The following VEGFC variants were observed in gnomAD, a reference collection of about 807,000 sequenced individuals.
VEGFC encodes the protein vascular endothelial growth factor C.
VEGFC carries 12 observed loss-of-function variants against 46.1 expected under a neutral mutation model. That is an observed-to-expected ratio of 0.26 (90% CI 0.17 to 0.42). The LOEUF is 0.42. VEGFC is among the 10% of genes least tolerant of loss of function. The pLI, the probability that VEGFC is intolerant of heterozygous loss-of-function variation, is 1.00. For missense variants in VEGFC, 488 were observed against 529.4 expected (o/e 0.92, Z 0.77); for synonymous variants, 232 against 195.5 (o/e 1.19, Z -1.56).
At chr4:176,691,039 G>C (rs541938039) in intron 4 of VEGFC, among the ~76,000 whole-genome samples, 3 of 152,286 alleles carry the variant, frequency 2.0e-5, no homozygotes, top group Non-Finnish European at 4.4e-5. Flanking sequence ...GAATGCATGT[G>C]ATACAGATTG....
intron 1 of VEGFC, among the ~76,000 whole-genome samples, chr4:176,769,607 C>T (rs1003112231): frequency 6.6e-6 from 1 of 152,122 alleles, no homozygotes; most frequent in African/African-American, 2.4e-5. Flanking sequence ...CAAATGAGAA[C>T]CACGAAAGCA....
chr4:176,728,497 G>A (rs1014593501), intron 2 of VEGFC, among the ~76,000 whole-genome samples: 1 of 152,126 alleles, frequency 6.6e-6, no homozygotes, highest in Non-Finnish European at 1.5e-5. Flanking sequence ...CGTGGCTGCA[G>A]CTACATAAAA....
intron 6 of VEGFC, among the ~76,000 whole-genome samples, chr4:176,686,455 G>A (rs755495460): frequency 6.6e-6 from 1 of 151,938 alleles, no homozygotes; most frequent in East Asian, 1.9e-4. Context: ...TAAACTAAGG[G>A]GAAAAAAAGT....
intron 1 of VEGFC, among the ~76,000 whole-genome samples, chr4:176,762,795 T>C (rs1482305305): frequency 6.6e-6 from 1 of 152,196 alleles, no homozygotes; most frequent in African/African-American, 2.4e-5. Flanking sequence ...TAAGTCATAT[T>C]CACCCTGGAA....
At chr4:176,736,433 G>C (rs1033366456) in intron 1 of VEGFC, among the ~76,000 whole-genome samples, 2 of 150,592 alleles carry the variant, frequency 1.3e-5, no homozygotes, top group African/African-American at 4.8e-5. Flanking sequence ...TGTGGAACTT[G>C]AGTACATCAT....
intron 1 of VEGFC, among the ~76,000 whole-genome samples, chr4:176,773,518 T>C (rs1440625602): frequency 6.6e-6 from 1 of 152,062 alleles, no homozygotes; most frequent in Admixed American, 6.6e-5. Context: ...AATAAATGTC[T>C]TCCTAGTATA....
rs1451966412 is a variant in VEGFC, at chr4:176,792,348, CG to C, written c.-38del. 2.7e-6 allele frequency: 2 copies of C among 741,346 alleles called. No individual in the cohort carries two copies. The highest frequency in any genetic ancestry group is 2.0e-5 in the African/African-American group (1 of 50,546). 45.9% of individuals were successfully genotyped at this position (741,346 alleles called of 1,614,324 possible). A position where few individuals can be genotyped will look rare whatever the true frequency, so the allele number is the denominator to read the frequency against. Reference sequence around the variant, plus strand: ...CGGGGGTGGGGGACCGGTCCGCTGGCGGGGGCAGGGGTGGGGGCGCGGGCGC... The same window carrying C: ...CGGGGGTGGGGGACCGGTCCGCTGGCGGGGCAGGGGTGGGGGCGCGGGCGC... On this transcript the variant is annotated 5_prime_UTR_variant, in exon 1 of 7. Coordinates refer to ENST00000618562, the MANE Select transcript of VEGFC (RefSeq NM_005429.5). The surrounding 1 kb of genome is among the most constrained non-coding windows in gnomAD (Gnocchi z 6.3).
At chr4:176,701,693 G>A (rs1170294569) in intron 4 of VEGFC, among the ~76,000 whole-genome samples, 1 of 152,120 alleles carries the variant, frequency 6.6e-6, no homozygotes, top group Non-Finnish European at 1.5e-5. Flanking sequence ...TAGATAATGA[G>A]CTTTATAGGA....
chr4:176,762,250 G>A (rs1384331578), intron 1 of VEGFC, among the ~76,000 whole-genome samples: 1 of 152,162 alleles, frequency 6.6e-6, no homozygotes, highest in Non-Finnish European at 1.5e-5. Context: ...GTAAGAATAT[G>A]GGGGGAGGTG....
chr4:176,699,829 T>G (rs1734394548), intron 4 of VEGFC, among the ~76,000 whole-genome samples: 1 of 152,232 alleles, frequency 6.6e-6, no homozygotes, highest in African/African-American at 2.4e-5. Context: ...AGGTTTTATA[T>G]AAATTGTTAA....
At chr4:176,710,527 T>C (rs888080079) in intron 4 of VEGFC, among the ~76,000 whole-genome samples, 3 of 152,226 alleles carry the variant, frequency 2.0e-5, no homozygotes, top group African/African-American at 7.2e-5. Context: ...AGCAGAGTAG[T>C]ACAACGTGAT....
intron 4 of VEGFC, among the ~76,000 whole-genome samples, chr4:176,710,580 A>G (rs756776527): frequency 6.6e-6 from 1 of 152,150 alleles, no homozygotes; most frequent in Non-Finnish European, 1.5e-5. Flanking sequence ...TTTATTGTTG[A>G]GTCTTTTAAA....
intron 1 of VEGFC, among the ~76,000 whole-genome samples, chr4:176,772,386 T>C (rs188626247): frequency 2.0e-5 from 3 of 152,328 alleles, no homozygotes; most frequent in Non-Finnish European, 2.9e-5. Flanking sequence ...TTTAATCTTT[T>C]GGACAGTCAA....
chr4:176,730,457 C>A (rs1023694159), intron 1 of VEGFC, among the ~76,000 whole-genome samples: 2 of 152,000 alleles, frequency 1.3e-5, no homozygotes, highest in Non-Finnish European at 1.5e-5. Flanking sequence ...GAAATAAATA[C>A]AATTTTTTTC....
rs192784367 is a variant in VEGFC, at chr4:176,775,760, T to C, written c.147+16405A>G. ...GAATGAAGTACGTAATATATTTTCT[T>C]GTTTGCATTTGTTTTTACTATCAGT... On this transcript the variant is annotated intron_variant, in intron 1 of 6. Transcript: ENST00000618562. Among the ~76,000 whole-genome samples the C allele has an allele frequency of 2.4e-3, 366 of 152,352 alleles. 3 individuals carry two copies. The highest frequency in any genetic ancestry group is 2.9e-3 in the Non-Finnish European group (194 of 68,038).
chr4:176,743,402 A>G (rs1177614305), intron 1 of VEGFC, among the ~76,000 whole-genome samples: 1 of 152,010 alleles, frequency 6.6e-6, no homozygotes, highest in Non-Finnish European at 1.5e-5. Flanking sequence ...ATTGTACAAT[A>G]GAATCATAAA....
intron 1 of VEGFC, among the ~76,000 whole-genome samples, chr4:176,741,659 A>G (rs1579117207): frequency 6.6e-6 from 1 of 152,006 alleles, no homozygotes; most frequent in Non-Finnish European, 1.5e-5. Flanking sequence ...GTATATTGCA[A>G]ATTGAAATGT....
intron 1 of VEGFC, among the ~76,000 whole-genome samples, chr4:176,740,438 T>A (rs1266258726): frequency 9.9e-5 from 1 of 10,140 alleles, no homozygotes; most frequent in Non-Finnish European, 4.4e-3. Flanking sequence ...TATATATATA[T>A]TCTATATAGA....
chr4:176,731,626 T>C (rs1478556188), intron 1 of VEGFC, among the ~76,000 whole-genome samples: 1 of 151,874 alleles, frequency 6.6e-6, no homozygotes, highest in Non-Finnish European at 1.5e-5. Flanking sequence ...GGAAGGTTCC[T>C]GGAACTCTCC....
Sources: allele counts gnomAD v4.1 joint callset (sites outside exome capture counted in the v4.1 genomes callset), GRCh38; gene constraint gnomAD v4.1.1; non-coding constraint Gnocchi (gnomAD v3.1); transcripts MANE v1.5; gene names NCBI Gene and HGNC (gene_info 2026-07-23, HGNC 2026-07-21).